Variants in EIF3D observed in about 807,000 individuals in gnomAD.
EIF3D encodes eukaryotic translation initiation factor 3 subunit D.
A neutral mutation model predicts 75.4 loss-of-function variants in EIF3D; 10 were observed. That is an observed-to-expected ratio of 0.13 (90% confidence interval 0.08 to 0.22). The LOEUF is 0.22. EIF3D is among the 10% of genes least tolerant of loss of function. The probability of loss-of-function intolerance (pLI) is 1.00; values close to 1 mark genes in which losing one functional copy is unlikely to be tolerated. For synonymous variants in EIF3D, 246 were observed against 248.3 expected (o/e 0.99, Z 0.09); for missense variants, 394 against 708.0 (o/e 0.56, Z 5.03).
chr22:36,519,215 C>A (rs1036575948), intron 8 of EIF3D, among the ~76,000 whole-genome samples, 190 bp downstream of exon 8: 8 of 152,206 alleles, frequency 5.3e-5, no homozygotes, highest in Admixed American at 2.0e-4. Context: ...AGAGACTAAG[C>A]CAGGAAGCGC....
At chr22:36,519,244 G>C (rs1156320651) in intron 8 of EIF3D, among the ~76,000 whole-genome samples, 161 bp downstream of exon 8, 1 of 152,240 alleles carries the variant, frequency 6.6e-6, no homozygotes, top group Non-Finnish European at 1.5e-5. Flanking sequence ...TGGGCTTCAA[G>C]TCCAGCTGTG....
At chr22:36,523,341 G>T in intron 5 of EIF3D, 60 bp from the exon 6 acceptor site, 2 of 1,284,744 alleles carry the variant, frequency 1.6e-6, no homozygotes, top group Non-Finnish European at 2.2e-6. Flanking sequence ...TCTTCAAAAG[G>T]CACACGCTGC....
intron 6 of EIF3D, among the ~76,000 whole-genome samples, chr22:36,521,350 G>A (rs1308238435): frequency 6.6e-6 from 1 of 152,168 alleles, no homozygotes; most frequent in Non-Finnish European, 1.5e-5. Flanking sequence ...CCACTCCCAG[G>A]TAATGATGTC....
chr22:36,523,877 G>C lies in EIF3D; in HGVS notation c.392+18C>G. Reference sequence around the variant, plus strand: ...AGTCTGGGAAGGGTGTCTTGTTCCAGCAGGATGAAAATCTCACCTCTCTTT... The same window carrying C: ...AGTCTGGGAAGGGTGTCTTGTTCCACCAGGATGAAAATCTCACCTCTCTTT... On this transcript the variant is annotated intron_variant, in intron 5 of 14. Transcript: ENST00000216190. 2 of 1,611,104 alleles carry C rather than the reference G, an allele frequency of 1.2e-6. No individual in the cohort carries two copies. Among genetic ancestry groups the C allele is most frequent in the Non-Finnish European group, 1.7e-6 (2 of 1,177,354 alleles).
At chr22:36,525,628 GC>G in intron 3 of EIF3D, 35 bp downstream of exon 3, 2 of 1,607,470 alleles carry the variant, frequency 1.2e-6, no homozygotes, top group Non-Finnish European at 1.7e-6. Flanking sequence ...CTTTCCCAAG[GC>G]CCTGATTGGG....
At chr22:36,514,414 A>G (rs1934390822) in intron 12 of EIF3D, among the ~76,000 whole-genome samples, 1 of 152,110 alleles carries the variant, frequency 6.6e-6, no homozygotes, top group Non-Finnish European at 1.5e-5. Context: ...TGATCATCCT[A>G]CCTTGTATGT....
At chr22:36,519,608 A>C in intron 7 of EIF3D, 71 bp from the exon 8 acceptor site, 2 of 1,594,604 alleles carry the variant, frequency 1.3e-6, no homozygotes. Context: ...TAAGCCATAC[A>C]TCCAGAAGTC....
intron 3 of EIF3D, among the ~76,000 whole-genome samples, chr22:36,525,027 T>C (rs554448029): frequency 2.0e-5 from 3 of 152,300 alleles, no homozygotes; most frequent in Non-Finnish European, 4.4e-5. Context: ...CTCTGCGTTA[T>C]TGTGTGAGAA....
Position 36,521,032 on chromosome 22 carries a change from T to G in EIF3D, c.466-344A>C, listed in dbSNP as rs181818648. Among the ~76,000 whole-genome samples, 1,105 of 152,216 alleles carry G rather than the reference T, an allele frequency of 7.3e-3. 9 individuals are homozygous for G. The highest frequency in any genetic ancestry group is 0.011 in the Non-Finnish European group (745 of 68,000). On this transcript the variant is annotated intron_variant, in intron 6 of 14. Coordinates refer to ENST00000216190, the MANE Select transcript of EIF3D (RefSeq NM_003753.4). ...CTGTCCAACATGGTGAAACCCCATCTCTACTAAAAATACAAAAATTAGCCA... is the reference window on the plus strand; with the variant it reads ...CTGTCCAACATGGTGAAACCCCATCGCTACTAAAAATACAAAAATTAGCCA...
intron 6 of EIF3D, 34 bp from the exon 7 acceptor site, chr22:36,520,722 T>TA (rs1307665663): frequency 6.9e-7 from 1 of 1,456,122 alleles, no homozygotes; most frequent in East Asian, 2.3e-5. Flanking sequence ...AAAAAAAAGT[T>TA]ATAGTCCATA....
At chr22:36,528,992 C>G in intron 1 of EIF3D, 84 bp downstream of exon 1, 1 of 316,620 alleles carries the variant, frequency 3.2e-6, no homozygotes, top group South Asian at 1.6e-4. Flanking sequence ...TAAGAGAGGT[C>G]TCTTCCGGGA....
Position 36,516,786 on chromosome 22 carries a change from T to C in EIF3D, c.995A>G (p.Lys332Arg). Residue 332 changes from lysine (K) to arginine (R), a missense_variant, in exon 11 of 15, where the codon AAG becomes AGG. Transcript: ENST00000216190. ...TGGGTTGGGGAAGTTGTATCTTTCC[T>C]TCCCCTGCAAAAACAAAGGTGTCAC... ...NFSQQCLRMGKERYNFPNPNP... is the reference protein window; with the variant it reads ...NFSQQCLRMGRERYNFPNPNP... 6.2e-7 allele frequency: 1 copy of C among 1,614,138 alleles called. No homozygotes were observed. Among genetic ancestry groups the C allele is most frequent in the Non-Finnish European group, 8.5e-7 (1 of 1,179,962 alleles).
At chr22:36,526,208 CAA>C in intron 1 of EIF3D, 77 bp from the exon 2 acceptor site, 2 of 1,419,074 alleles carry the variant, frequency 1.4e-6, no homozygotes, top group South Asian at 1.6e-5. Context: ...ATGAAGTAAG[CAA>C]AGACATAAAT....
rs1002862603 is a variant in EIF3D at position 36,516,882 on chromosome 22, C to T, written c.991-92G>A. On this transcript the variant is annotated intron_variant, in intron 10 of 14. Transcript: ENST00000216190. ...ACCCAGCACCTCTGCTTAGTTGCAGCCCTGGCCAGGTTCCTGGGGCCCTTG... is the reference window on the plus strand; with the variant it reads ...ACCCAGCACCTCTGCTTAGTTGCAGTCCTGGCCAGGTTCCTGGGGCCCTTG... 3 of 1,238,878 alleles carry T rather than the reference C, an allele frequency of 2.4e-6. No individual in the cohort carries two copies. In the African/African-American group the frequency reaches 4.5e-5, roughly 18 times the overall value. The allele number at this position is 1,238,878 out of a possible 1,614,324, so 76.7% of individuals were successfully genotyped here. A position where few individuals can be genotyped will look rare whatever the true frequency, so the allele number is the denominator to read the frequency against.
At chr22:36,527,487 C>T (rs948104085) in intron 1 of EIF3D, among the ~76,000 whole-genome samples, 1 of 152,180 alleles carries the variant, frequency 6.6e-6, no homozygotes, top group Non-Finnish European at 1.5e-5. Context: ...ATTTATCTTC[C>T]GTTGTAACCT....
chr22:36,517,477 T>A (rs1326019586), intron 9 of EIF3D, 46 bp from the exon 10 acceptor site: 3 of 1,581,750 alleles, frequency 1.9e-6, no homozygotes, highest in Non-Finnish European at 2.6e-6. Context: ...AAAGAGTCAC[T>A]GACAATGTGC....
chr22:36,524,289 T>C (rs967386995), intron 4 of EIF3D, among the ~76,000 whole-genome samples: 2 of 152,218 alleles, frequency 1.3e-5, no homozygotes, highest in Non-Finnish European at 2.9e-5. Flanking sequence ...CTTAATAAAG[T>C]CTGCACACAG....
intron 12 of EIF3D, 168 bp from the exon 13 acceptor site, chr22:36,512,770 A>C (rs967601362): frequency 1.7e-5 from 12 of 723,964 alleles, no homozygotes; most frequent in Non-Finnish European, 2.4e-5. Context: ...TCCCTTGCAC[A>C]GCCTGCCGCA....
chr22:36,517,226 G>A, intron 10 of EIF3D, 75 bp downstream of exon 10: 1 of 1,601,302 alleles, frequency 6.2e-7, no homozygotes, highest in Non-Finnish European at 8.5e-7. Flanking sequence ...CAAGAGCCTA[G>A]CACAAAGCAG....
Sources: allele counts gnomAD v4.1 joint callset (sites outside exome capture counted in the v4.1 genomes callset), GRCh38; gene constraint gnomAD v4.1.1; transcripts MANE v1.5; gene names NCBI Gene and HGNC (gene_info 2026-07-23, HGNC 2026-07-21).